SLC16A7: variants seen among roughly 807,000 people sequenced by gnomAD.
The protein encoded by SLC16A7 is solute carrier family 16 member 7.
A neutral mutation model predicts 34.9 loss-of-function variants in SLC16A7; 33 were observed. The observed-to-expected ratio is 0.94, with a 90% CI of 0.72 to 1.26. The LOEUF is 1.26. SLC16A7 is among the 50% of genes most tolerant of loss of function. The pLI is 0.00. For synonymous variants in SLC16A7, 201 were observed against 206.6 expected (o/e 0.97, Z 0.23); for missense variants, 573 against 578.1 (o/e 0.99, Z 0.09).
At chr12:59,684,087 G>A (rs1354451070) in intron 2 of SLC16A7, among the ~76,000 whole-genome samples, 1 of 152,184 alleles carries the variant, frequency 6.6e-6, no homozygotes, top group Non-Finnish European at 1.5e-5. Flanking sequence ...ACAAGGAAAC[G>A]TGACTCTTGC....
intron 3 of SLC16A7, among the ~76,000 whole-genome samples, chr12:59,750,756 C>A (rs570192551): frequency 6.6e-6 from 1 of 152,154 alleles, no homozygotes; most frequent in South Asian, 2.1e-4. Context: ...AAGACACATG[C>A]ACTTGTATGT....
rs1875316863 is a variant in SLC16A7 at position 59,719,513 on chromosome 12, A to G, written c.217+14495A>G. Among the ~76,000 whole-genome samples, 2 of 152,182 alleles carry G rather than the reference A, an allele frequency of 1.3e-5. 1 individual carries two copies. The highest frequency in any genetic ancestry group is 4.1e-4 in the South Asian group (2 of 4,834). On this transcript the variant is annotated intron_variant, in intron 3 of 5. Coordinates refer to ENST00000547379, the MANE Select transcript of SLC16A7 (RefSeq NM_001270623.2). ...AAAAAAATGAGTTAAACCAAATTTT[A>G]TAACAGTTTGTAATAAATAAACTTT...
intron 1 of SLC16A7, among the ~76,000 whole-genome samples, chr12:59,599,398 A>G (rs1048448896): frequency 1.3e-5 from 2 of 152,206 alleles, no homozygotes; most frequent in Non-Finnish European, 2.9e-5. Context: ...TCATTTATGC[A>G]GAATAGGAAA....
In SLC16A7 at chr12:59,784,729, T is replaced by C. The variant is rs1883495296; in HGVS notation, c.*5050T>C. 1 of 152,224 alleles carries C rather than the reference T, an allele frequency of 6.6e-6. No homozygotes were observed. The highest frequency in any genetic ancestry group is 6.6e-5 in the Admixed American group (1 of 15,264). 9.4% of individuals were successfully genotyped at this position (152,224 alleles called of 1,614,324 possible). ...GTGCACTTGCAAGGCGCTGCATTCT[T>C]CTCAAAGTCAGCCATGATGCACATA... On this transcript the variant is annotated 3_prime_UTR_variant, in exon 6 of 6. Transcript: ENST00000547379.
intron 1 of SLC16A7, among the ~76,000 whole-genome samples, chr12:59,616,990 G>A (rs1879483467): frequency 6.6e-6 from 1 of 151,980 alleles, no homozygotes; most frequent in Non-Finnish European, 1.5e-5. Flanking sequence ...TATTTGGATA[G>A]GTGGCTGGCT....
chr12:59,725,187 T>C (rs1876092590), intron 3 of SLC16A7, among the ~76,000 whole-genome samples: 2 of 152,096 alleles, frequency 1.3e-5, no homozygotes, highest in African/African-American at 4.8e-5. Context: ...AGGTATGGTT[T>C]GTCGTTAAAC....
intron 3 of SLC16A7, among the ~76,000 whole-genome samples, chr12:59,723,260 G>A (rs993813137): frequency 5.3e-5 from 8 of 151,890 alleles, no homozygotes; most frequent in African/African-American, 1.9e-4. Context: ...ACTCAATAAT[G>A]TGGTGATTTT....
At chr12:59,624,914 C>G (rs1343399391) in intron 1 of SLC16A7, among the ~76,000 whole-genome samples, 4 of 151,630 alleles carry the variant, frequency 2.6e-5, no homozygotes, top group Non-Finnish European at 5.9e-5. Flanking sequence ...TTACATGTAC[C>G]CTTTTGGGTT....
chr12:59,605,953 T>G (rs1245561794), intron 1 of SLC16A7, among the ~76,000 whole-genome samples: 1 of 152,168 alleles, frequency 6.6e-6, no homozygotes, highest in Admixed American at 6.5e-5. Flanking sequence ...ATAATAAAAT[T>G]TATTTTATGA....
rs555800129 is a variant in SLC16A7 at position 59,714,389 on chromosome 12, A to G, written c.217+9371A>G. 1.1e-3 allele frequency among the ~76,000 whole-genome samples: 170 copies of G among 152,324 alleles called. 2 individuals are homozygous for G. Among genetic ancestry groups the G allele is most frequent in the African/African-American group, 2.9e-3 (122 of 41,580 alleles). ...ACAGACTGAGTGGATTAAACAATGG[A>G]AATTTATTTCTCACAGCTGTGGAGG... On this transcript the variant is annotated intron_variant, in intron 3 of 5. Coordinates refer to ENST00000547379, the MANE Select transcript of SLC16A7 (RefSeq NM_001270623.2).
intron 1 of SLC16A7, among the ~76,000 whole-genome samples, chr12:59,613,147 G>T (rs7305326): frequency 6.6e-6 from 1 of 152,188 alleles, no homozygotes; most frequent in Non-Finnish European, 1.5e-5. Flanking sequence ...CTGCGAGGCC[G>T]CAGAAAACTT....
intron 3 of SLC16A7, chr12:59,763,920 G>A (rs1256433159): frequency 1.3e-5 from 2 of 152,112 alleles, no homozygotes; most frequent in Non-Finnish European, 2.9e-5. Flanking sequence ...CTACTCCATA[G>A]ACCAGCTGTT....
chr12:59,763,784 G>C (rs1342877001), intron 3 of SLC16A7, among the ~76,000 whole-genome samples: 2 of 152,012 alleles, frequency 1.3e-5, no homozygotes, highest in African/African-American at 4.8e-5. Context: ...AATTCTCACA[G>C]TATTTCAAAC....
At chr12:59,625,925 T>A (rs1263629033) in intron 1 of SLC16A7, among the ~76,000 whole-genome samples, 1 of 151,828 alleles carries the variant, frequency 6.6e-6, no homozygotes, top group Non-Finnish European at 1.5e-5. Context: ...ACTTAAATGA[T>A]AGAATTGTTA....
intron 3 of SLC16A7, among the ~76,000 whole-genome samples, chr12:59,714,319 C>A (rs1002364240): frequency 6.6e-6 from 1 of 152,192 alleles, no homozygotes; most frequent in African/African-American, 2.4e-5. Flanking sequence ...GGATAGGCAT[C>A]TATGCTACCA....
intron 2 of SLC16A7, among the ~76,000 whole-genome samples, chr12:59,701,770 A>G (rs1253594584): frequency 1.3e-5 from 2 of 151,790 alleles, no homozygotes. Context: ...TAATATTTGT[A>G]TTGATGTTAT....
chr12:59,765,814 G>A (rs978507962), intron 3 of SLC16A7, among the ~76,000 whole-genome samples: 1 of 152,068 alleles, frequency 6.6e-6, no homozygotes, highest in East Asian at 1.9e-4. Context: ...TTGGCAATGC[G>A]GGCTCTTTTT....
intron 1 of SLC16A7, among the ~76,000 whole-genome samples, chr12:59,625,199 T>C: frequency 6.6e-6 from 1 of 151,740 alleles, no homozygotes; most frequent in Non-Finnish European, 1.5e-5. Flanking sequence ...TGAAGCCTGA[T>C]TTTATGAGGC....
chr12:59,727,532 C>T (rs1876431433), intron 3 of SLC16A7, among the ~76,000 whole-genome samples: 1 of 152,024 alleles, frequency 6.6e-6, no homozygotes, highest in Non-Finnish European at 1.5e-5. Context: ...TAGGTATTTT[C>T]CAGATAAACA....
Sources: allele counts gnomAD v4.1 joint callset (sites outside exome capture counted in the v4.1 genomes callset), GRCh38; gene constraint gnomAD v4.1.1; transcripts MANE v1.5; gene names NCBI Gene and HGNC (gene_info 2026-07-23, HGNC 2026-07-21).